The following SULF2 variants were observed in gnomAD, a reference collection of about 807,000 sequenced individuals.
SULF2 encodes the protein sulfatase 2.
A neutral mutation model predicts 107.7 loss-of-function variants in SULF2; 52 were observed. The observed-to-expected ratio is 0.48, with a 90% CI of 0.39 to 0.61. SULF2 has a LOEUF of 0.61. Ranked by LOEUF, SULF2 falls within the 20% of genes least tolerant of loss-of-function variation. The pLI is 0.00. For missense variants in SULF2, 993 were observed against 1,177.3 expected (o/e 0.84, Z 2.29); for synonymous variants, 460 against 464.3 (o/e 0.99, Z 0.12).
At chr20:47,763,409 C>T (rs1189760488) in intron 1 of SULF2, among the ~76,000 whole-genome samples, 1 of 152,212 alleles carries the variant, frequency 6.6e-6, no homozygotes, top group African/African-American at 2.4e-5. Flanking sequence ...CTCATCCAGA[C>T]CTGTTTAGAA....
At chr20:47,701,132 T>A (rs2088555059) in intron 4 of SULF2, among the ~76,000 whole-genome samples, 1 of 152,102 alleles carries the variant, frequency 6.6e-6, no homozygotes, top group African/African-American at 2.4e-5. Flanking sequence ...ATAATACAGA[T>A]CTCACAGACA....
At chr20:47,761,832 C>A (rs1446452030) in intron 1 of SULF2, among the ~76,000 whole-genome samples, 3 of 152,218 alleles carry the variant, frequency 2.0e-5, no homozygotes, top group African/African-American at 7.2e-5. Context: ...TCACCCAAAT[C>A]TCATCTTGAC....
chr20:47,755,631 A>G (rs2090263248), intron 2 of SULF2, among the ~76,000 whole-genome samples: 1 of 152,062 alleles, frequency 6.6e-6, no homozygotes, highest in South Asian at 2.1e-4. Flanking sequence ...AGCTTCCATC[A>G]TCACTGCCCT....
chr20:47,744,052 G>C (rs1306853431), intron 2 of SULF2, among the ~76,000 whole-genome samples: 1 of 152,160 alleles, frequency 6.6e-6, no homozygotes, highest in Non-Finnish European at 1.5e-5. Context: ...AACATTCTTA[G>C]GGGACATGCA....
chr20:47,658,778 C>T (rs542670375), intron 20 of SULF2, among the ~76,000 whole-genome samples: 1 of 152,252 alleles, frequency 6.6e-6, no homozygotes, highest in South Asian at 2.1e-4. Flanking sequence ...GGCAGTTCAC[C>T]AAGGGCGATA....
chr20:47,726,717 C>T (rs1445922954), intron 3 of SULF2, among the ~76,000 whole-genome samples: 1 of 152,190 alleles, frequency 6.6e-6, no homozygotes, highest in East Asian at 1.9e-4. Flanking sequence ...TCCAGCCTAA[C>T]TCATTCCAGA....
chr20:47,719,656 C>A (rs1049295802), intron 3 of SULF2, among the ~76,000 whole-genome samples: 1 of 152,248 alleles, frequency 6.6e-6, no homozygotes, highest in Admixed American at 6.5e-5. Context: ...CTGGGGGTAT[C>A]TGTGGCACAA....
At chr20:47,739,558 G>A (rs1465073529) in intron 2 of SULF2, among the ~76,000 whole-genome samples, 2 of 152,140 alleles carry the variant, frequency 1.3e-5, no homozygotes, top group Non-Finnish European at 2.9e-5. Flanking sequence ...TCTTGGAGAG[G>A]CCTTCCCTGG....
chr20:47,753,544 T>C (rs2090210234), intron 2 of SULF2, among the ~76,000 whole-genome samples: 1 of 152,278 alleles, frequency 6.6e-6, no homozygotes, highest in African/African-American at 2.4e-5. Flanking sequence ...GACTTGGTTT[T>C]CACTGTGTTT....
At chr20:47,759,866 T>G (rs1023717063) in intron 1 of SULF2, among the ~76,000 whole-genome samples, 1 of 152,272 alleles carries the variant, frequency 6.6e-6, no homozygotes, top group African/African-American at 2.4e-5. Flanking sequence ...TAATCACTAC[T>G]GCAGCCTGCA....
At chr20:47,660,878 C>G (rs1007244587) in intron 18 of SULF2, among the ~76,000 whole-genome samples, 2 of 152,130 alleles carry the variant, frequency 1.3e-5, no homozygotes, top group South Asian at 2.1e-4. Flanking sequence ...GACTCCTAAT[C>G]CCGCACCTCC....
rs1394159399 is a variant in SULF2 at position 47,736,824 on chromosome 20, G to C, written c.294C>G (p.Gly98=). 13 of 1,614,182 alleles carry C rather than the reference G, an allele frequency of 8.1e-6. No homozygotes were observed. Among genetic ancestry groups the C allele is most frequent in the Non-Finnish European group, 1.0e-5 (12 of 1,180,010 alleles). ...CCPSRSSILT[G]KYVHNHNTYT... ...AGGTGTTGTGGTTGTGGACGTACTT[G>C]CCAGTGAGGATGGAGGAGCGTGAGG... is the stretch of plus-strand genomic sequence containing the variant. Residue 98 remains glycine (G), a synonymous_variant, in exon 3 of 21, where the codon GGC becomes GGG. Coordinates refer to ENST00000688720, the MANE Select transcript of SULF2 (RefSeq NM_001387048.1).
intron 1 of SULF2, among the ~76,000 whole-genome samples, chr20:47,761,894 A>G (rs113844480): frequency 2.3e-3 from 353 of 152,300 alleles, no homozygotes; most frequent in Non-Finnish European, 3.2e-3. Context: ...GTGGGAGATA[A>G]TTGAATCATG....
In SULF2 at chr20:47,672,208, G is replaced by A. The variant is rs199852198; in HGVS notation, c.1566C>T (p.Leu522=). 7.5e-6 allele frequency: 12 copies of A among 1,608,062 alleles called. No homozygotes were observed. The East Asian group carries it at 2.2e-4, about 30-fold the overall frequency. ...GGTTGTGACACTTACTCTTCTTGAA[G>A]AGTTTTTTCCGGCGTCCGGCCAGGC... The part of the protein sequence containing the change: ...KLSLAGRRKK[L]FKKKYKASYV... Residue 522 remains leucine, a synonymous_variant, in exon 11 of 21, where the codon CTC becomes CTT. Coordinates refer to ENST00000688720, the MANE Select transcript of SULF2 (RefSeq NM_001387048.1).
In SULF2 at chr20:47,739,572, G is replaced by C. The variant is rs149631683; in HGVS notation, c.176-2630C>G. 4.2e-3 allele frequency among the ~76,000 whole-genome samples: 645 copies of C among 152,306 alleles called. 2 individuals carry two copies. Among genetic ancestry groups the C allele is most frequent in the African/African-American group, 0.015 (610 of 41,556 alleles). ...TTCTTGGAGAGGCCTTCCCTGGCCT[G>C]TATTGAAACCACCTCCCGCAACCCA... is the stretch of plus-strand genomic sequence containing the variant. On this transcript the variant is annotated intron_variant, in intron 2 of 20. Transcript: ENST00000688720.
chr20:47,676,592 C>G lies in SULF2; in HGVS notation c.1282G>C (p.Val428Leu). The G allele has an allele frequency of 6.4e-7, 1 of 1,560,294 alleles. No individual in the cohort carries two copies. The highest frequency in any genetic ancestry group is 1.2e-5 in the South Asian group (1 of 85,088). Residue 428 changes from valine to leucine, a missense_variant, in exon 10 of 21, where the codon GTG (valine) becomes CTG (leucine). Around this residue, in one of 3 missense-constraint regions of SULF2, gnomAD observed 108 missense variants for 183.9 expected, o/e 0.59. Coordinates refer to ENST00000688720, the MANE Select transcript of SULF2 (RefSeq NM_001387048.1). ...AGAAAGTTCTCCTCCTGGGCGTCCACCTTGTCATTGTCTCTCTTGTGTAGC... is the reference window on the plus strand; with the variant it reads ...AGAAAGTTCTCCTCCTGGGCGTCCAGCTTGTCATTGTCTCTCTTGTGTAGC... ...KLLHKRDNDKVDAQEENFLPK... is the reference protein window; with the variant it reads ...KLLHKRDNDKLDAQEENFLPK...
chr20:47,711,443 T>C (rs2088925152), intron 3 of SULF2, among the ~76,000 whole-genome samples: 1 of 152,216 alleles, frequency 6.6e-6, no homozygotes, highest in Non-Finnish European at 1.5e-5. Context: ...TGATCTGTCC[T>C]AGGGGCCTCC....
chr20:47,693,633 TATC>T (rs2088277941), intron 4 of SULF2, among the ~76,000 whole-genome samples: 1 of 152,236 alleles, frequency 6.6e-6, no homozygotes, highest in Non-Finnish European at 1.5e-5. Context: ...TATGATATGA[TATC>T]ATTTATAAAA....
intron 1 of SULF2, among the ~76,000 whole-genome samples, chr20:47,770,832 C>T (rs949840909): frequency 2.6e-5 from 4 of 152,134 alleles, no homozygotes; most frequent in Non-Finnish European, 4.4e-5. Flanking sequence ...CACAGCATGG[C>T]GGCCTTGCAG....
Sources: gnomAD v4.1 joint callset for allele counts (sites outside exome capture counted in the v4.1 genomes callset) on GRCh38, gnomAD v4.1.1 for gene constraint, gnomAD v4.1.1 regional missense constraint, MANE v1.5 for transcripts, NCBI Gene and HGNC (gene_info 2026-07-23, HGNC 2026-07-21) for gene names.